ANO10: variants seen among roughly 807,000 people sequenced by gnomAD.
ANO10 encodes anoctamin 10.
ANO10 carries 77 observed loss-of-function variants against 74.7 expected under a neutral mutation model. The ratio of observed to expected loss-of-function variants is 1.03; its 90% CI spans 0.86 to 1.25. ANO10 has a LOEUF of 1.25. Among genes scored for constraint, ANO10 ranks in the 50% most tolerant of loss-of-function variants. The probability of loss-of-function intolerance (pLI) is 0.00; values close to 1 mark genes in which losing one functional copy is unlikely to be tolerated. For missense variants in ANO10, 721 were observed against 778.1 expected (o/e 0.93, Z 0.87); for synonymous variants, 279 against 284.9 (o/e 0.98, Z 0.21).
Position 43,601,965 on chromosome 3 carries a change from C to A in ANO10, c.140-1384G>T, listed in dbSNP as rs58919797. On this transcript the variant is annotated intron_variant, in intron 2 of 12. Transcript: ENST00000292246. ...GATCCTTCCCCCAGCTGCTTCCAGCCATCAGCTGGGCACGGAGGGGACACC... is the reference window on the plus strand; with the variant it reads ...GATCCTTCCCCCAGCTGCTTCCAGCAATCAGCTGGGCACGGAGGGGACACC... 1.9e-3 allele frequency among the ~76,000 whole-genome samples: 290 copies of A among 152,320 alleles called. 1 individual carries two copies. Among genetic ancestry groups the A allele is most frequent in the African/African-American group, 6.6e-3 (273 of 41,572 alleles).
chr3:43,405,647 T>C (rs1261378178), intron 12 of ANO10, among the ~76,000 whole-genome samples: 3 of 152,084 alleles, frequency 2.0e-5, no homozygotes, highest in Admixed American at 2.0e-4. Context: ...TTAATTTTTG[T>C]ATTTTTTGTA....
chr3:43,436,664 G>A (rs1394811129), intron 11 of ANO10, among the ~76,000 whole-genome samples: 1 of 152,180 alleles, frequency 6.6e-6, no homozygotes, highest in Non-Finnish European at 1.5e-5. Context: ...TCCAGTGCCA[G>A]CAGTAAAGTA....
chr3:43,378,251 G>A (rs1324977144), intron 12 of ANO10, among the ~76,000 whole-genome samples: 1 of 152,204 alleles, frequency 6.6e-6, no homozygotes, highest in Non-Finnish European at 1.5e-5. Flanking sequence ...CAAAGGGTGA[G>A]CTCCTTCTCT....
At chr3:43,623,713 G>A (rs2083465641), upstream of ANO10, among the ~76,000 whole-genome samples, 1 of 152,196 alleles carries the variant, frequency 6.6e-6, no homozygotes, top group Non-Finnish European at 1.5e-5. Flanking sequence ...AGGAGCAGAA[G>A]ACTCGTTACT....
At chr3:43,449,922 T>C (rs1004834623) in intron 11 of ANO10, among the ~76,000 whole-genome samples, 2 of 152,228 alleles carry the variant, frequency 1.3e-5, no homozygotes. Context: ...AAACATGGGA[T>C]ATCTCTCCAT....
At chr3:43,641,901 G>T (rs953058544) in intron 1 of ANO10, among the ~76,000 whole-genome samples, 3 of 152,078 alleles carry the variant, frequency 2.0e-5, no homozygotes, top group Non-Finnish European at 4.4e-5. Flanking sequence ...GTAATAATTA[G>T]ATCCTTACCA....
At chr3:43,370,301 T>C (rs989233619) in intron 12 of ANO10, among the ~76,000 whole-genome samples, 2 of 152,254 alleles carry the variant, frequency 1.3e-5, no homozygotes, top group Non-Finnish European at 1.5e-5. Flanking sequence ...GGCCCTGCAG[T>C]GGACCCCAGA....
chr3:43,630,450 T>C (rs1490631599), intron 1 of ANO10, among the ~76,000 whole-genome samples: 1 of 152,036 alleles, frequency 6.6e-6, no homozygotes, highest in Non-Finnish European at 1.5e-5. Flanking sequence ...AAGATTCTGA[T>C]AAAGTTAAAT....
rs564686751 is a variant in ANO10 at position 43,379,578 on chromosome 3, T to G, written c.1915-12604A>C. Among the ~76,000 whole-genome samples, 19 of 152,274 alleles carry G rather than the reference T, an allele frequency of 1.2e-4. 1 individual carries two copies. The South Asian group carries it at 2.9e-3, about 23-fold the overall frequency. On this transcript the variant is annotated intron_variant, in intron 12 of 12. Transcript: ENST00000292246. Reference sequence around the variant, plus strand: ...GTGGGACAGCCAGGAACTGTGAGTCTGCTTGCTTTCTCAGCTGGGAGGCAT... The same window carrying G: ...GTGGGACAGCCAGGAACTGTGAGTCGGCTTGCTTTCTCAGCTGGGAGGCAT...
At chr3:43,584,082 C>T (rs916394948) in intron 4 of ANO10, among the ~76,000 whole-genome samples, 1 of 152,170 alleles carries the variant, frequency 6.6e-6, no homozygotes, top group African/African-American at 2.4e-5. Flanking sequence ...CTGTTAAGCA[C>T]TAGGAGAAGG....
rs2081015209 is a variant in ANO10 at position 43,576,755 on chromosome 3, CAT to C, written c.1097_1098del (p.Tyr366CysfsTer5). ...SVLLYVPSII[Y>X]AIVIEIMNRL... ...CGATTCATGATCTCAATCACAATGG[CAT>C]AGATGATGCTGGGCACATACAACAG... On this transcript the variant is annotated frameshift_variant, in exon 6 of 13. Transcript: ENST00000292246. LOFTEE classifies it high-confidence loss of function. 1.9e-6 allele frequency: 3 copies of C among 1,614,070 alleles called. No individual in the cohort carries two copies. Among genetic ancestry groups the C allele is most frequent in the Admixed American group, 1.7e-5 (1 of 59,996 alleles).
chr3:43,553,769 T>C (rs1439999918), intron 10 of ANO10, among the ~76,000 whole-genome samples: 1 of 152,138 alleles, frequency 6.6e-6, no homozygotes, highest in Non-Finnish European at 1.5e-5. Context: ...ACTTCTGACC[T>C]CATGATCTGC....
intron 1 of ANO10, among the ~76,000 whole-genome samples, chr3:43,647,183 G>GTT (rs2083735992): frequency 6.6e-6 from 1 of 151,010 alleles, no homozygotes; most frequent in Non-Finnish European, 1.5e-5. Flanking sequence ...GTGTGTGTGT[G>GTT]TGTGTGTGTA....
chr3:43,646,448 G>A (rs2083727113), intron 1 of ANO10, among the ~76,000 whole-genome samples: 1 of 152,200 alleles, frequency 6.6e-6, no homozygotes, highest in Non-Finnish European at 1.5e-5. Flanking sequence ...TTGAGTTAGA[G>A]AACTAAGATA....
chr3:43,552,829 T>C (rs2079549253), intron 10 of ANO10, among the ~76,000 whole-genome samples: 1 of 151,718 alleles, frequency 6.6e-6, no homozygotes, highest in South Asian at 2.1e-4. Flanking sequence ...GCTTTGCTCT[T>C]GTCACCCAGG....
intron 11 of ANO10, among the ~76,000 whole-genome samples, chr3:43,520,685 T>C (rs1028583527): frequency 4.6e-5 from 7 of 152,170 alleles, no homozygotes; most frequent in Non-Finnish European, 1.0e-4. Context: ...CTATGATTAC[T>C]GTAGTTTTGA....
chr3:43,538,242 C>T (rs2078803015), intron 11 of ANO10, among the ~76,000 whole-genome samples: 1 of 151,944 alleles, frequency 6.6e-6, no homozygotes, highest in African/African-American at 2.4e-5. Flanking sequence ...TGTGGGAAAC[C>T]ATTCCTAAAG....
chr3:43,424,812 T>C (rs2092874129), intron 12 of ANO10: 1 of 152,210 alleles, frequency 6.6e-6, no homozygotes, highest in Admixed American at 6.5e-5. Flanking sequence ...TTCTCCTGTC[T>C]TGATAAATTG....
intron 4 of ANO10, among the ~76,000 whole-genome samples, chr3:43,585,360 G>GAA (rs148893632): frequency 6.6e-6 from 1 of 151,306 alleles, no homozygotes; most frequent in Non-Finnish European, 1.5e-5. Flanking sequence ...AGGAAGAAAG[G>GAA]AAAAAAAACA....
Sources: allele counts gnomAD v4.1 joint callset (sites outside exome capture counted in the v4.1 genomes callset), GRCh38; gene constraint gnomAD v4.1.1; transcripts MANE v1.5; gene names NCBI Gene and HGNC (gene_info 2026-07-23, HGNC 2026-07-21).